SBF2: variants seen among roughly 807,000 people sequenced by gnomAD.
SBF2 encodes SET binding factor 2, also known as myotubularin-related protein 13.
SBF2 carries 112 observed loss-of-function variants against 225.2 expected under a neutral mutation model. That is an observed-to-expected ratio of 0.50 (90% CI 0.43 to 0.58). SBF2 has a LOEUF of 0.58. SBF2 is among the 20% of genes least tolerant of loss of function. The pLI is 0.00. For missense variants in SBF2, 1,996 were observed against 2,206.2 expected, an observed-to-expected ratio of 0.90 and a Z score of 1.91; for synonymous variants, 763 against 773.3, an observed-to-expected ratio of 0.99 and a Z score of 0.22.
At chr11:10,141,175 G>A (rs1440963105) in intron 2 of SBF2, among the ~76,000 whole-genome samples, 1 of 152,136 alleles carries the variant, frequency 6.6e-6, no homozygotes, top group African/African-American at 2.4e-5. Flanking sequence ...TAGCTACAGT[G>A]TCATGTTTTG....
intron 16 of SBF2, among the ~76,000 whole-genome samples, chr11:9,942,528 GA>G (rs1202976347): frequency 1.3e-5 from 2 of 152,184 alleles, no homozygotes; most frequent in Non-Finnish European, 2.9e-5. Context: ...AAATGATATG[GA>G]AACACAAGGG....
At chr11:9,886,337 T>C (rs1215142224) in intron 17 of SBF2, among the ~76,000 whole-genome samples, 1 of 152,224 alleles carries the variant, frequency 6.6e-6, no homozygotes, top group African/African-American at 2.4e-5. Flanking sequence ...CTTCATTTTG[T>C]TATTCCATAG....
At position 9,856,843 on chromosome 11, in the gene SBF2, A is replaced by G. The variant is rs559112348; in HGVS notation, c.2101-123T>C. 96 of 1,006,178 alleles carry G rather than the reference A, an allele frequency of 9.5e-5. No homozygotes were observed. In the African/African-American group the frequency reaches 1.5e-3, roughly 15 times the overall value. 62.3% of individuals were successfully genotyped at this position (1,006,178 alleles called of 1,614,324 possible). On this transcript the variant is annotated intron_variant, in intron 18 of 39. Coordinates refer to ENST00000256190, the MANE Select transcript of SBF2 (RefSeq NM_030962.4). ...CGCTCTGTCACCCAGGCTGGAGTGC[A>G]GTGGCACGATCTTGGCTCACTGCAA...
chr11:10,099,794 T>C (rs904041201), intron 2 of SBF2, among the ~76,000 whole-genome samples: 1 of 152,048 alleles, frequency 6.6e-6, no homozygotes, highest in African/African-American at 2.4e-5. Context: ...AACTATAAAA[T>C]GTTTGATATG....
At chr11:10,229,513 G>A (rs1350655785) in intron 1 of SBF2, among the ~76,000 whole-genome samples, 1 of 151,952 alleles carries the variant, frequency 6.6e-6, no homozygotes, top group African/African-American at 2.4e-5. Flanking sequence ...GGTACGTTGT[G>A]TCTTCGTTCT....
intron 2 of SBF2, among the ~76,000 whole-genome samples, chr11:10,066,392 T>C (rs1466340693): frequency 6.6e-6 from 1 of 151,558 alleles, no homozygotes; most frequent in African/African-American, 2.4e-5. Context: ...AACCATGTAA[T>C]AAAAGGCTAA....
At chr11:9,941,741 G>A in intron 16 of SBF2, among the ~76,000 whole-genome samples, 1 of 151,984 alleles carries the variant, frequency 6.6e-6, no homozygotes, top group East Asian at 1.9e-4. Context: ...GGCACTTACT[G>A]TCACTTCTAT....
chr11:9,967,911 ATCTGTCTGTCTG>A lies in SBF2; in HGVS notation c.1600+418_1600+429del, dbSNP rs1201842155. On this transcript the variant is annotated intron_variant, in intron 14 of 39. Transcript: ENST00000256190. ...GCCTGGGCAACAAGGGTGAAACTCAATCTGTCTGTCTGTCTGTCTGTCTGTCTGTCTGTCTGT... is the reference window on the plus strand; with the variant it reads ...GCCTGGGCAACAAGGGTGAAACTCAATCTGTCTGTCTGTCTGTCTGTCTGT... Among the ~76,000 whole-genome samples, 1,127 of 139,594 alleles carry A rather than the reference ATCTGTCTGTCTG, an allele frequency of 8.1e-3. 5 individuals carry two copies. The highest frequency in any genetic ancestry group is 0.015 in the Middle Eastern group (4 of 266). 91.6% of individuals were successfully genotyped at this position (139,594 alleles called of 152,430 possible).
At chr11:9,860,119 A>G (rs1015344819) in intron 17 of SBF2, among the ~76,000 whole-genome samples, 1 of 152,202 alleles carries the variant, frequency 6.6e-6, no homozygotes, top group Non-Finnish European at 1.5e-5. Flanking sequence ...AGCCACACAC[A>G]CTGAATCACA....
rs189229181 is a variant in SBF2, at chr11:10,035,418, T to C, written c.280-4248A>G. 3.1e-4 allele frequency among the ~76,000 whole-genome samples: 47 copies of C among 152,034 alleles called. No individual in the cohort carries two copies. The East Asian group carries it at 8.7e-3, about 28-fold the overall frequency. ...CAAAAGCCAAAATTGACAAATGGGA[T>C]CTAATTAAACTAAAGAGCTTCTGCA... On this transcript the variant is annotated intron_variant, in intron 3 of 39. Coordinates refer to ENST00000256190, the MANE Select transcript of SBF2 (RefSeq NM_030962.4).
At chr11:10,185,214 A>G (rs188426357) in intron 2 of SBF2, among the ~76,000 whole-genome samples, 151 of 152,258 alleles carry the variant, frequency 9.9e-4, no homozygotes, top group African/African-American at 2.9e-3. Context: ...ACTGTGAACA[A>G]TGCTACTATA....
chr11:9,915,478 A>AAGCTTTT (rs1590428532), intron 16 of SBF2: 4 of 151,434 alleles, frequency 2.6e-5, no homozygotes, highest in African/African-American at 4.8e-5. Flanking sequence ...ATTCTAGCTG[A>AAGCTTTT]TAAACTGCTT....
At chr11:9,955,936 A>G (rs118021014) in intron 16 of SBF2, among the ~76,000 whole-genome samples, 1 of 152,118 alleles carries the variant, frequency 6.6e-6, no homozygotes, top group Admixed American at 6.5e-5. Flanking sequence ...AGTATATAAC[A>G]TGCACTTGAA....
rs371726317 is a variant in SBF2, at chr11:9,832,267, C to T, written c.3609G>A (p.Lys1203=). The T allele has an allele frequency of 6.2e-7, 1 of 1,614,068 alleles. No individual in the cohort carries two copies. The highest frequency in any genetic ancestry group is 1.3e-5 in the African/African-American group (1 of 74,924). The change falls in exon 27 of 40, where the codon AAG becomes AAA. Residue 1203 remains lysine, a synonymous_variant. Transcript: ENST00000256190. ...LLLRSGGFHG[K]GVVGLFKSQN... ...GAGATTTGAAAAGACCAACGACTCC[C>T]TTCCCATGGAATCCTCCAGATCGGA...
chr11:10,252,758 TTGCAGC>T (rs1960488266), intron 1 of SBF2, among the ~76,000 whole-genome samples: 1 of 151,122 alleles, frequency 6.6e-6, no homozygotes, highest in South Asian at 2.1e-4. Context: ...TGCAGCGAGC[TTGCAGC>T]GAGCTGAGAT....
At chr11:10,034,167 C>T (rs181079906) in intron 3 of SBF2, among the ~76,000 whole-genome samples, 2 of 152,292 alleles carry the variant, frequency 1.3e-5, no homozygotes, top group East Asian at 3.9e-4. Context: ...CTCACATTGA[C>T]TTACAAGGTC....
At chr11:10,210,762 C>T (rs1195889576) in intron 1 of SBF2, among the ~76,000 whole-genome samples, 1 of 148,886 alleles carries the variant, frequency 6.7e-6, no homozygotes, top group Non-Finnish European at 1.5e-5. Flanking sequence ...CCTGTAATCC[C>T]AGCACTTTGG....
At chr11:9,856,851 G>C (rs963374736) in intron 18 of SBF2, 131 bp from the exon 19 acceptor site, 31 of 917,474 alleles carry the variant, frequency 3.4e-5, no homozygotes, top group Non-Finnish European at 4.4e-5. Flanking sequence ...GCAGTGGCAC[G>C]ATCTTGGCTC....
At chr11:10,035,634 C>T (rs1003044664) in intron 3 of SBF2, among the ~76,000 whole-genome samples, 7 of 152,150 alleles carry the variant, frequency 4.6e-5, no homozygotes, top group Admixed American at 3.3e-4. Context: ...CAAAAGAAGA[C>T]ATTTATGCAG....
Sources: gnomAD v4.1 joint callset for allele counts (sites outside exome capture counted in the v4.1 genomes callset) on GRCh38, gnomAD v4.1.1 for gene constraint, MANE v1.5 for transcripts, NCBI Gene and HGNC (gene_info 2026-07-23, HGNC 2026-07-21) for gene names.